DOCK1: variants seen among roughly 807,000 people sequenced by gnomAD.
DOCK1 encodes the protein dedicator of cytokinesis 1.
In DOCK1, 138 loss-of-function variants were observed where a neutral mutation model predicts 262.7. The observed-to-expected ratio is 0.53, with a 90% CI of 0.46 to 0.61. The LOEUF (loss-of-function observed/expected upper bound fraction) is 0.61, where lower values mean the gene tolerates loss of function less well. Among genes scored for constraint, DOCK1 ranks in the 20% least tolerant of loss-of-function variants. The pLI is 0.00. For synonymous variants in DOCK1, 866 were observed against 867.4 expected, an observed-to-expected ratio of 1.00 and a Z score of 0.03; for missense variants, 1,908 against 2,370.7, an observed-to-expected ratio of 0.80 and a Z score of 4.05.
chr10:127,207,210 G>T (rs929150873), intron 27 of DOCK1, among the ~76,000 whole-genome samples: 2 of 152,166 alleles, frequency 1.3e-5, no homozygotes, highest in African/African-American at 4.8e-5. Flanking sequence ...AGCTTTATGA[G>T]AATTAAATCC....
intron 33 of DOCK1, among the ~76,000 whole-genome samples, chr10:127,366,759 G>C: frequency 6.6e-6 from 1 of 152,192 alleles, no homozygotes; most frequent in Admixed American, 6.5e-5. Flanking sequence ...ACGAGCTTCT[G>C]GGATGGGGAT....
At chr10:127,375,106 T>C (rs541356121) in intron 35 of DOCK1, among the ~76,000 whole-genome samples, 1 of 152,346 alleles carries the variant, frequency 6.6e-6, no homozygotes, top group East Asian at 1.9e-4. Flanking sequence ...GGACACCCCC[T>C]TCCTGATGTC....
In DOCK1 at chr10:127,383,004, A is replaced by C. The variant is rs528107682; in HGVS notation, c.3807+1636A>C. Among the ~76,000 whole-genome samples, 7 of 152,252 alleles carry C rather than the reference A, an allele frequency of 4.6e-5. No individual in the cohort carries two copies. In the South Asian group the frequency reaches 1.5e-3, roughly 32 times the overall value. On this transcript the variant is annotated intron_variant, in intron 37 of 51. Transcript: ENST00000623213. ...CTCTCCATATCTTTTGCCCCGTTAC[A>C]TTTTGCAATTTTTTCTAAATATGTT...
chr10:127,375,662 CAGCTGAA>C (rs1353515616), intron 35 of DOCK1, among the ~76,000 whole-genome samples: 13 of 152,380 alleles, frequency 8.5e-5, no homozygotes, highest in African/African-American at 2.9e-4. Flanking sequence ...AGGAACTTCA[CAGCTGAA>C]AGCTCATGAG....
At chr10:127,324,358 A>G (rs1307863950) in intron 29 of DOCK1, among the ~76,000 whole-genome samples, 2 of 152,216 alleles carry the variant, frequency 1.3e-5, no homozygotes, top group African/African-American at 4.8e-5. Context: ...TTCTGTCAAT[A>G]ATAGAAATCA....
At chr10:126,974,130 C>T (rs1269697689) in intron 2 of DOCK1, among the ~76,000 whole-genome samples, 1 of 152,112 alleles carries the variant, frequency 6.6e-6, no homozygotes, top group Non-Finnish European at 1.5e-5. Flanking sequence ...CAATGTCCTA[C>T]CTCCAGATAG....
At chr10:126,921,650 G>T (rs2033211699) in intron 1 of DOCK1, among the ~76,000 whole-genome samples, 1 of 151,872 alleles carries the variant, frequency 6.6e-6, no homozygotes. Flanking sequence ...GAGAGACAGA[G>T]ATTTGTTTGT....
chr10:127,051,337 T>G (rs1033384570), intron 21 of DOCK1, among the ~76,000 whole-genome samples: 2 of 152,152 alleles, frequency 1.3e-5, no homozygotes, highest in African/African-American at 4.8e-5. Context: ...ATTCTTACTA[T>G]TCTTATATAT....
chr10:127,082,621 T>C (rs2046970479), intron 23 of DOCK1, among the ~76,000 whole-genome samples: 1 of 151,824 alleles, frequency 6.6e-6, no homozygotes, highest in Admixed American at 6.6e-5. Context: ...TACATGGGGA[T>C]GATGGGAGCT....
intron 1 of DOCK1, among the ~76,000 whole-genome samples, chr10:126,969,173 C>G (rs2037901803): frequency 6.6e-6 from 1 of 152,220 alleles, no homozygotes; most frequent in South Asian, 2.1e-4. Context: ...ACACAAAACA[C>G]ACACGCAATT....
intron 27 of DOCK1, among the ~76,000 whole-genome samples, chr10:127,216,900 A>C (rs61874056): frequency 6.6e-6 from 1 of 152,092 alleles, no homozygotes; most frequent in Non-Finnish European, 1.5e-5. Context: ...TGGTGAGTAC[A>C]TGTCGTGGGC....
intron 1 of DOCK1, among the ~76,000 whole-genome samples, chr10:126,927,408 TC>T (rs2033825940): frequency 6.6e-6 from 1 of 152,112 alleles, no homozygotes; most frequent in African/African-American, 2.4e-5. Flanking sequence ...TCTCTTCCTT[TC>T]TTTCCAAAGA....
At chr10:127,401,968 G>A (rs2067250980) in intron 38 of DOCK1, among the ~76,000 whole-genome samples, 2 of 152,204 alleles carry the variant, frequency 1.3e-5, no homozygotes, top group African/African-American at 4.8e-5. Context: ...CTGTTGGGTG[G>A]TTCCAAAGCT....
At chr10:127,144,769 C>G (rs1425534695) in intron 27 of DOCK1, among the ~76,000 whole-genome samples, 1 of 152,012 alleles carries the variant, frequency 6.6e-6, no homozygotes, top group Non-Finnish European at 1.5e-5. Context: ...AATGATTCAC[C>G]GTAACTTTGT....
intron 25 of DOCK1, among the ~76,000 whole-genome samples, chr10:127,122,968 C>A (rs552143961): frequency 6.6e-6 from 1 of 152,264 alleles, no homozygotes; most frequent in African/African-American, 2.4e-5. Flanking sequence ...ATAAATGGTG[C>A]GGTGAGGGAT....
chr10:127,212,302 A>G (rs922605603), intron 27 of DOCK1, among the ~76,000 whole-genome samples: 4 of 152,186 alleles, frequency 2.6e-5, no homozygotes, highest in Non-Finnish European at 4.4e-5. Context: ...GGAAACTTCT[A>G]CCTGGCCATC....
At chr10:126,928,638 G>C (rs1317165946) in intron 1 of DOCK1, among the ~76,000 whole-genome samples, 1 of 148,256 alleles carries the variant, frequency 6.7e-6, no homozygotes, top group Non-Finnish European at 1.5e-5. Flanking sequence ...TGGTCATACT[G>C]GGTTAGGGTG....
chr10:127,295,068 T>C (rs1035525947), intron 29 of DOCK1, among the ~76,000 whole-genome samples: 1 of 152,198 alleles, frequency 6.6e-6, no homozygotes, highest in Non-Finnish European at 1.5e-5. Flanking sequence ...GTTTTCAGCC[T>C]GGGCAACAAA....
chr10:126,928,548 C>T (rs2134164670), intron 1 of DOCK1, among the ~76,000 whole-genome samples: 1 of 151,666 alleles, frequency 6.6e-6, no homozygotes, highest in African/African-American at 2.4e-5. Context: ...TGTCTCAGGC[C>T]CTGCCCCCAA....
Sources: gnomAD v4.1 joint callset for allele counts (sites outside exome capture counted in the v4.1 genomes callset) on GRCh38, gnomAD v4.1.1 for gene constraint, MANE v1.5 for transcripts, NCBI Gene and HGNC (gene_info 2026-07-23, HGNC 2026-07-21) for gene names.